The following AGL variants were observed in gnomAD, a reference collection of about 807,000 sequenced individuals.
AGL encodes the protein amylo-alpha-1,6-glucosidase and 4-alpha-glucanotransferase, also known as glycogen debranching enzyme.
A neutral mutation model predicts 199.3 loss-of-function variants in AGL; 128 were observed. The ratio of observed to expected loss-of-function variants is 0.64; its 90% CI spans 0.56 to 0.74. The LOEUF (loss-of-function observed/expected upper bound fraction) is 0.74, where lower values mean the gene tolerates loss of function less well. Ranked by LOEUF, AGL falls within the 30% of genes least tolerant of loss-of-function variation. The pLI is 0.00. For missense variants in AGL, 1,809 were observed against 1,820.8 expected, an observed-to-expected ratio of 0.99 and a Z score of 0.12; for synonymous variants, 584 against 594.7, an observed-to-expected ratio of 0.98 and a Z score of 0.26.
At chr1:99,881,840 T>C (rs2100761346) in intron 17 of AGL, 149 bp downstream of exon 17, 2 of 813,098 alleles carry the variant, frequency 2.5e-6, no homozygotes, top group Non-Finnish European at 3.5e-6. Context: ...ATTTAAACTT[T>C]TTGGTAACTT....
At chr1:99,898,861 A>G (rs940367817) in intron 25 of AGL, among the ~76,000 whole-genome samples, 2 of 152,178 alleles carry the variant, frequency 1.3e-5, no homozygotes, top group Admixed American at 6.6e-5. Flanking sequence ...TACCTCTACC[A>G]CAGATGGTTC....
At position 99,921,705 on chromosome 1, in the gene AGL, C is replaced by T. The variant is rs1570527024; in HGVS notation, c.*54C>T. The T allele has an allele frequency of 7.7e-7, 1 of 1,294,562 alleles. No homozygotes were observed. Among genetic ancestry groups the T allele is most frequent in the East Asian group, 2.3e-5 (1 of 42,928 alleles). The allele number at this position is 1,294,562 out of a possible 1,614,324, so 80.2% of individuals were successfully genotyped here. On this transcript the variant is annotated 3_prime_UTR_variant, in exon 34 of 34. Coordinates refer to ENST00000361915, the MANE Select transcript of AGL (RefSeq NM_000642.3). ...CTTGTATTATAGGATGCAAGGTCAT[C>T]ATATGTAAATGCCTTATATGCACAG...
chr1:99,865,926 G>A (rs1199745297), intron 5 of AGL, among the ~76,000 whole-genome samples: 4 of 152,170 alleles, frequency 2.6e-5, no homozygotes, highest in East Asian at 1.9e-4. Flanking sequence ...CAGTTCTACG[G>A]TGAAAACTTC....
At chr1:99,863,433 A>G (rs1372943686) in intron 4 of AGL, among the ~76,000 whole-genome samples, 1 of 152,140 alleles carries the variant, frequency 6.6e-6, no homozygotes, top group Non-Finnish European at 1.5e-5. Flanking sequence ...TTCAACAAAC[A>G]TTGGTTAACC....
intron 2 of AGL, chr1:99,861,071 A>G (rs1272142335): frequency 2.9e-5 from 16 of 546,578 alleles, no homozygotes; most frequent in Non-Finnish European, 3.5e-5. Flanking sequence ...TTTACAGACT[A>G]TCACATACTT....
chr1:99,913,741 A>T lies in AGL; in HGVS notation c.4161+3A>T. 6.2e-7 allele frequency: 1 copy of T among 1,613,216 alleles called. No individual in the cohort carries two copies. The highest frequency in any genetic ancestry group is 8.5e-7 in the Non-Finnish European group (1 of 1,179,164). ...ATTTTACCATAGCAATGGTTGTGGT[A>T]GGTGATTCGTTTGTAAAAACATTTC... is the stretch of plus-strand genomic sequence containing the variant. On this transcript the variant is annotated splice_donor_region_variant and intron_variant, in intron 30 of 33. Transcript: ENST00000361915.
intron 2 of AGL, among the ~76,000 whole-genome samples, chr1:99,856,124 T>C (rs1422533248): frequency 6.6e-6 from 1 of 152,216 alleles, no homozygotes; most frequent in Non-Finnish European, 1.5e-5. Context: ...CAGCTAATTT[T>C]AGCAAACTGA....
chr1:99,909,412 TAGGA>T (rs1394320665), intron 27 of AGL, among the ~76,000 whole-genome samples: 1 of 151,944 alleles, frequency 6.6e-6, no homozygotes, highest in Admixed American at 6.5e-5. Flanking sequence ...AGGTAGGGGA[TAGGA>T]GTCCAGGCTT....
Position 99,875,381 on chromosome 1 carries a change from T to C in AGL, c.1209T>C (p.Asn403=), listed in dbSNP as rs1651435531. 3 of 1,614,160 alleles carry C rather than the reference T, an allele frequency of 1.9e-6. No individual in the cohort carries two copies. Among genetic ancestry groups the C allele is most frequent in the Non-Finnish European group, 2.5e-6 (3 of 1,180,012 alleles). Residue 403 remains asparagine (N), a synonymous_variant, in exon 10 of 34, where the codon AAT becomes AAC. Coordinates refer to ENST00000361915, the MANE Select transcript of AGL (RefSeq NM_000642.3). ...AGGCAGTTAATTGCCTTTTGGGAAA[T>C]GTGTTTTATGAACGACTGGCTGGCC... ...QEQAVNCLLG[N]VFYERLAGHG... is the part of the protein sequence containing the mutation.
At position 99,884,127 on chromosome 1, in the gene AGL, TGAA is replaced by T. The variant is rs766308910; in HGVS notation, c.2321_2323del (p.Glu774del). The T allele has an allele frequency of 1.2e-6, 2 of 1,611,546 alleles. No homozygotes were observed. The highest frequency in any genetic ancestry group is 2.2e-5 in the East Asian group (1 of 44,732). ...GTTTTTATGTATTCCTAGGCAAAAT[TGAA>T]GAAGTAGTTCTTGAAGCTAGAACTA... On this transcript the variant is annotated inframe_deletion, in exon 18 of 34. Coordinates refer to ENST00000361915, the MANE Select transcript of AGL (RefSeq NM_000642.3).
chr1:99,876,413 A>G (rs1651534130), intron 10 of AGL, 45 bp from the exon 11 acceptor site: 1 of 1,369,802 alleles, frequency 7.3e-7, no homozygotes, highest in Non-Finnish European at 1.0e-6. Flanking sequence ...ATTCTCTCCA[A>G]GGAGTTTCTT....
chr1:99,867,770 C>T (rs1650646713), intron 5 of AGL, among the ~76,000 whole-genome samples: 2 of 151,972 alleles, frequency 1.3e-5, no homozygotes, highest in African/African-American at 2.4e-5. Flanking sequence ...TGGCCAGGTT[C>T]GTCTCAATCC....
intron 33 of AGL, among the ~76,000 whole-genome samples, chr1:99,920,614 T>C (rs1655450360): frequency 6.6e-6 from 1 of 152,222 alleles, no homozygotes; most frequent in Non-Finnish European, 1.5e-5. Context: ...TTAAATATGG[T>C]ACCTAGCTGA....
intron 20 of AGL, among the ~76,000 whole-genome samples, chr1:99,885,933 T>G (rs1288285192): frequency 6.6e-6 from 1 of 152,186 alleles, no homozygotes; most frequent in African/African-American, 2.4e-5. Flanking sequence ...AAATGTCTTC[T>G]GTGAAACCAG....
intron 20 of AGL, among the ~76,000 whole-genome samples, chr1:99,886,058 A>C (rs1463826803): frequency 6.6e-6 from 1 of 152,158 alleles, no homozygotes; most frequent in Admixed American, 6.5e-5. Context: ...TTTCAGCTCT[A>C]TCCAAGAGTT....
chr1:99,870,303 T>C (rs1009650246), intron 5 of AGL, 97 bp from the exon 6 acceptor site: 5 of 1,276,820 alleles, frequency 3.9e-6, no homozygotes, highest in Non-Finnish European at 5.6e-6. Flanking sequence ...AAAAAATGAG[T>C]GGTAGATCTT....
chr1:99,900,481 C>G (rs1254358132), intron 25 of AGL, among the ~76,000 whole-genome samples, 155 bp from the exon 26 acceptor site: 1 of 152,162 alleles, frequency 6.6e-6, no homozygotes, highest in Non-Finnish European at 1.5e-5. Flanking sequence ...AGTACTTACT[C>G]TATCATACTA....
intron 21 of AGL, among the ~76,000 whole-genome samples, chr1:99,890,585 G>A (rs1021486262): frequency 6.6e-6 from 1 of 151,550 alleles, no homozygotes; most frequent in Non-Finnish European, 1.5e-5. Flanking sequence ...TAGCATCATT[G>A]AAATAATAAA....
Position 99,880,043 on chromosome 1 carries a change from A to G in AGL, c.1732A>G (p.Arg578Gly). The change falls in exon 13 of 34, where the codon AGA becomes GGA. Residue 578 changes from arginine (R) to glycine (G), a missense_variant. Arg to Gly is a moderately radical substitution (Grantham distance 125). Coordinates refer to ENST00000361915, the MANE Select transcript of AGL (RefSeq NM_000642.3). ...VTRLGISSLI[R>G]EAMSAYNSHE... Reference sequence around the variant, plus strand: ...TAGACTGGGCATTAGTTCCTTAATAAGAGGTAGGCTTGTTGGAGTGTATTT... The same window carrying G: ...TAGACTGGGCATTAGTTCCTTAATAGGAGGTAGGCTTGTTGGAGTGTATTT... The G allele has an allele frequency of 6.2e-7, 1 of 1,613,444 alleles. No individual in the cohort carries two copies. The highest frequency in any genetic ancestry group is 8.5e-7 in the Non-Finnish European group (1 of 1,179,562).
Sources: gnomAD v4.1 joint callset for allele counts (sites outside exome capture counted in the v4.1 genomes callset) on GRCh38, gnomAD v4.1.1 for gene constraint, MANE v1.5 for transcripts, NCBI Gene and HGNC (gene_info 2026-07-23, HGNC 2026-07-21) for gene names.